Variants in UBE2L3 observed in about 807,000 individuals in gnomAD.
UBE2L3 encodes ubiquitin conjugating enzyme E2 L3.
A neutral mutation model predicts 17.8 loss-of-function variants in UBE2L3; 1 was observed. The ratio of observed to expected loss-of-function variants is 0.06; its 90% confidence interval spans 0.02 to 0.27. The LOEUF (loss-of-function observed/expected upper bound fraction) is 0.27, where lower values mean the gene tolerates loss of function less well. UBE2L3 is among the 10% of genes least tolerant of loss of function. The pLI is 1.00. For synonymous variants in UBE2L3, 44 were observed against 68.5 expected (o/e 0.64, Z 1.76); for missense variants, 40 against 192.6 (o/e 0.21, Z 4.69).
upstream of UBE2L3, among the ~76,000 whole-genome samples, chr22:21,565,250 G>A (rs1454015812): frequency 2.6e-5 from 4 of 151,570 alleles, no homozygotes; most frequent in Non-Finnish European, 2.9e-5. Flanking sequence ...CCGCCACCAC[G>A]CCCGGCTAAT....
upstream of UBE2L3, among the ~76,000 whole-genome samples, chr22:21,566,360 G>A (rs1361887725): frequency 6.6e-6 from 1 of 151,986 alleles, no homozygotes; most frequent in Non-Finnish European, 1.5e-5. Context: ...GCGGCGGGAG[G>A]ACTGCTTGAG....
chr22:21,612,639 TTTTC>T lies in UBE2L3; in HGVS notation c.310+1600_310+1603del, dbSNP rs1180338672. Among the ~76,000 whole-genome samples, 99 of 129,974 alleles carry T rather than the reference TTTTC, an allele frequency of 7.6e-4. 1 individual carries two copies. The highest frequency in any genetic ancestry group is 3.3e-3 in the African/African-American group (99 of 30,314). 85.3% of individuals were successfully genotyped at this position (129,974 alleles called of 152,430 possible). ...CGCACCCAGCCGATTTTTTCTTTTC[TTTTC>T]TTTTTTTTTTTTTTTTTTTTTTTTT... On this transcript the variant is annotated intron_variant, in intron 3 of 3. Coordinates refer to ENST00000342192, the MANE Select transcript of UBE2L3 (RefSeq NM_003347.4).
intron 1 of UBE2L3, among the ~76,000 whole-genome samples, chr22:21,592,445 A>G (rs969138256): frequency 6.6e-6 from 1 of 151,470 alleles, no homozygotes; most frequent in Non-Finnish European, 1.5e-5. Flanking sequence ...TCCGGTGCAT[A>G]ATCAGTGCTT....
At chr22:21,602,358 C>T (rs1008443758) in intron 2 of UBE2L3, among the ~76,000 whole-genome samples, 2 of 152,154 alleles carry the variant, frequency 1.3e-5, no homozygotes, top group African/African-American at 2.4e-5. Flanking sequence ...ACCACAAGGA[C>T]GTGCCATGTA....
chr22:21,597,919 A>G (rs928502163), intron 2 of UBE2L3, among the ~76,000 whole-genome samples: 3 of 148,242 alleles, frequency 2.0e-5, no homozygotes, highest in African/African-American at 7.5e-5. Flanking sequence ...CCTCCAGAGT[A>G]GCTGGTACTG....
upstream of UBE2L3, among the ~76,000 whole-genome samples, chr22:21,564,346 G>T (rs948217477): frequency 1.3e-5 from 2 of 152,142 alleles, no homozygotes; most frequent in Admixed American, 6.5e-5. Flanking sequence ...CTGATGGGAG[G>T]CTTGGGCAGA....
chr22:21,569,207 C>G (rs1041463351), intron 1 of UBE2L3, among the ~76,000 whole-genome samples: 7 of 151,892 alleles, frequency 4.6e-5, no homozygotes, highest in Non-Finnish European at 7.4e-5. Flanking sequence ...ACCAGCCTGG[C>G]CAACATGGTG....
intron 3 of UBE2L3, among the ~76,000 whole-genome samples, chr22:21,619,388 G>T (rs780835554): frequency 3.3e-5 from 5 of 152,084 alleles, no homozygotes; most frequent in South Asian, 2.1e-4. Flanking sequence ...AGCTTTCCAG[G>T]CCCCTTGCCC....
intron 1 of UBE2L3, among the ~76,000 whole-genome samples, chr22:21,561,593 G>C (rs1416682482): frequency 1.3e-5 from 2 of 150,964 alleles, no homozygotes; most frequent in Non-Finnish European, 3.0e-5. Flanking sequence ...AAAAAAAAAG[G>C]GGGTCCAGCA....
chr22:21,576,112 C>CTT lies in UBE2L3; in HGVS notation c.27+8360_27+8361dup, dbSNP rs35221203. ...GGCAGGGGTGGAGGTTTGAAAGCAA[C>CTT]TTTTTTTTTTTTTTTTTTTTGAGGC... is the stretch of plus-strand genomic sequence containing the variant. On this transcript the variant is annotated intron_variant, in intron 1 of 3. Transcript: ENST00000342192. 5.7e-3 allele frequency among the ~76,000 whole-genome samples: 671 copies of CTT among 117,142 alleles called. 16 individuals carry two copies. The highest frequency in any genetic ancestry group is 0.021 in the African/African-American group (620 of 30,032). The allele number at this position is 117,142 out of a possible 152,430, so 76.8% of individuals were successfully genotyped here. A position where few individuals can be genotyped will look rare whatever the true frequency, so the allele number is the denominator to read the frequency against.
At chr22:21,598,772 G>A (rs910838959) in intron 2 of UBE2L3, among the ~76,000 whole-genome samples, 4 of 150,320 alleles carry the variant, frequency 2.7e-5, no homozygotes, top group Admixed American at 6.6e-5. Flanking sequence ...GGGCTCAAGC[G>A]ATCCTCCTGC....
chr22:21,567,757 A>T lies in UBE2L3; in HGVS notation c.13A>T (p.Arg5Trp). 1 of 1,584,160 alleles carries T rather than the reference A, an allele frequency of 6.3e-7. No homozygotes were observed. Among genetic ancestry groups the T allele is most frequent in the Non-Finnish European group, 8.6e-7 (1 of 1,166,764 alleles). MAASRRLMKELEEIR... is the reference protein window; with the variant it reads MAASWRLMKELEEIR... ...CACCAAATCCAAGATGGCGGCCAGC[A>T]GGAGGCTGATGAAGGTAAAAGCCAT... Residue 5 changes from arginine to tryptophan, a missense_variant, in exon 1 of 4, where the codon AGG becomes TGG. Arg to Trp is a moderately radical substitution (Grantham distance 101, BLOSUM62 -3). Coordinates refer to ENST00000342192, the MANE Select transcript of UBE2L3 (RefSeq NM_003347.4).
intron 1 of UBE2L3, among the ~76,000 whole-genome samples, chr22:21,568,548 A>G (rs965040047): frequency 8.5e-5 from 13 of 152,094 alleles, no homozygotes; most frequent in Non-Finnish European, 1.5e-5. Context: ...GTTTATAATA[A>G]TAATTTGGTA....
intron 3 of UBE2L3, among the ~76,000 whole-genome samples, chr22:21,615,270 A>C (rs1443992734): frequency 6.7e-6 from 1 of 148,452 alleles, no homozygotes; most frequent in Non-Finnish European, 1.5e-5. Flanking sequence ...AAATATGCTA[A>C]ATGGGCCGGG....
At chr22:21,577,584 G>A (rs1568973197) in intron 1 of UBE2L3, among the ~76,000 whole-genome samples, 1 of 152,194 alleles carries the variant, frequency 6.6e-6, no homozygotes, top group Non-Finnish European at 1.5e-5. Context: ...AGTCAGTGGT[G>A]GAGCCAGGCC....
chr22:21,570,508 A>G (rs1258903625), intron 1 of UBE2L3, among the ~76,000 whole-genome samples: 1 of 152,150 alleles, frequency 6.6e-6, no homozygotes, highest in Admixed American at 6.5e-5. Context: ...CGTGGTGGGG[A>G]GAGAGAAGAC....
At chr22:21,581,885 G>T (rs368292518) in intron 1 of UBE2L3, among the ~76,000 whole-genome samples, 7 of 151,926 alleles carry the variant, frequency 4.6e-5, no homozygotes. Flanking sequence ...GCTGAGGCAG[G>T]TGGATCACCT....
chr22:21,601,919 C>T (rs565398786), intron 2 of UBE2L3, among the ~76,000 whole-genome samples: 3 of 149,300 alleles, frequency 2.0e-5, no homozygotes, highest in Admixed American at 6.7e-5. Flanking sequence ...TTGCAGTGAG[C>T]CGAGATTGCG....
At chr22:21,592,709 T>G in intron 1 of UBE2L3, 152 bp from the exon 2 acceptor site, 1 of 665,542 alleles carries the variant, frequency 1.5e-6, no homozygotes, top group Non-Finnish European at 2.7e-6. Flanking sequence ...GCTCCATGCC[T>G]CCTTAACCAC....
Sources: gnomAD v4.1 joint callset for allele counts (sites outside exome capture counted in the v4.1 genomes callset) on GRCh38, gnomAD v4.1.1 for gene constraint, MANE v1.5 for transcripts, NCBI Gene and HGNC (gene_info 2026-07-23, HGNC 2026-07-21) for gene names.